SOCS2: variants seen among roughly 807,000 people sequenced by gnomAD.
SOCS2 encodes the protein suppressor of cytokine signaling 2, also known as CIS-2.
Under a neutral mutation model 18.6 loss-of-function variants are expected in SOCS2, and 10 were observed. The observed-to-expected ratio is 0.54, with a 90% confidence interval of 0.33 to 0.91. SOCS2 has a LOEUF of 0.91. SOCS2 is among the 40% of genes least tolerant of loss of function. The pLI is 0.02. For synonymous variants in SOCS2, 104 were observed against 104.0 expected (o/e 1.00, Z 0.00); for missense variants, 231 against 247.2 (o/e 0.93, Z 0.44).
the SOCS2 span, among the ~76,000 whole-genome samples, chr12:93,603,142 C>T: frequency 6.6e-6 from 1 of 152,150 alleles, no homozygotes; most frequent in Non-Finnish European, 1.5e-5. Context: ...TAGTTAATTG[C>T]TTGCAAAAAA....
the SOCS2 span, among the ~76,000 whole-genome samples, chr12:93,625,683 G>A: frequency 6.7e-6 from 1 of 149,820 alleles, no homozygotes; most frequent in Non-Finnish European, 1.5e-5. Context: ...GGGAGGCGGA[G>A]GTTGCAATGA....
the SOCS2 span, among the ~76,000 whole-genome samples, chr12:93,611,968 G>A: frequency 6.6e-6 from 1 of 151,756 alleles, no homozygotes; most frequent in East Asian, 1.9e-4. Context: ...TGTTTGATCA[G>A]CCCCCATCTA....
Position 93,575,539 on chromosome 12 carries a change from C to T in SOCS2, c.*360C>T, listed in dbSNP as rs554295769. The stretch of plus-strand genomic sequence containing the variant: ...AGGCTCCAGTAGGAGAGAAAGAACT[C>T]CTCATAGGAATACTGAAGAAGTGGG... On this transcript the variant is annotated 3_prime_UTR_variant, in exon 2 of 2. Coordinates refer to ENST00000551556, the MANE Select transcript of SOCS2 (RefSeq NM_001270471.2). 169 of 159,242 alleles carry T rather than the reference C, an allele frequency of 1.1e-3. 2 individuals are homozygous for T. The highest frequency in any genetic ancestry group is 3.2e-3 in the African/African-American group (132 of 41,632). 9.9% of individuals were successfully genotyped at this position (159,242 alleles called of 1,614,324 possible).
the SOCS2 span, among the ~76,000 whole-genome samples, chr12:93,612,189 T>C: frequency 6.6e-6 from 1 of 152,100 alleles, no homozygotes; most frequent in Non-Finnish European, 1.5e-5. Context: ...ACTAAAAAAA[T>C]TTCTCTGATC....
the SOCS2 span, among the ~76,000 whole-genome samples, chr12:93,614,427 TTCCC>T: frequency 3.8e-3 from 295 of 78,360 alleles, 16 homozygotes; most frequent in African/African-American, 0.011. Flanking sequence ...CTTCCTTTCT[TTCCC>T]TTCCTTCCTT....
At chr12:93,614,891 G>A in the SOCS2 span, among the ~76,000 whole-genome samples, 1 of 151,188 alleles carries the variant, frequency 6.6e-6, no homozygotes, top group Non-Finnish European at 1.5e-5. Context: ...TGGGATTACA[G>A]GCATGAGCCA....
chr12:93,622,840 G>A, the SOCS2 span, among the ~76,000 whole-genome samples: 12 of 152,138 alleles, frequency 7.9e-5, no homozygotes, highest in Non-Finnish European at 1.6e-4. Flanking sequence ...AGGGCAACTG[G>A]ATAATGGAAT....
the SOCS2 span, among the ~76,000 whole-genome samples, chr12:93,614,480 T>TTTCTTTCCTTCC: frequency 3.8e-5 from 1 of 26,152 alleles, no homozygotes; most frequent in South Asian, 1.6e-3. Flanking sequence ...CCTTCCTTCC[T>TTTCTTTCCTTCC]TTCCTTCCTT....
chr12:93,600,705 G>A, the SOCS2 span, among the ~76,000 whole-genome samples: 464 of 146,328 alleles, frequency 3.2e-3, 2 homozygotes, highest in African/African-American at 0.011. Context: ...CTGTTTATAA[G>A]TTACGTAAAG....
chr12:93,590,313 C>A, the SOCS2 span, among the ~76,000 whole-genome samples: 1 of 151,910 alleles, frequency 6.6e-6, no homozygotes, highest in Non-Finnish European at 1.5e-5. Context: ...TTTTAGCTAC[C>A]GACGCAAGAC....
chr12:93,614,488 C>CTTCCTTCCTTCT, the SOCS2 span, among the ~76,000 whole-genome samples: 358 of 28,626 alleles, frequency 0.013, 36 homozygotes, highest in Admixed American at 0.02. Flanking sequence ...CCTTTCCTTC[C>CTTCCTTCCTTCT]TTCCTTCCTT....
the SOCS2 span, among the ~76,000 whole-genome samples, chr12:93,592,340 C>T: frequency 4.6e-5 from 7 of 152,308 alleles, no homozygotes; most frequent in South Asian, 1.0e-3. Flanking sequence ...AACAGCTGCA[C>T]AATATTCCAT....
chr12:93,576,264 A>G lies in SOCS2; in HGVS notation c.*1085A>G, dbSNP rs1284383706. The G allele has an allele frequency of 6.5e-6, 1 of 152,688 alleles. No homozygotes were observed. Among genetic ancestry groups the G allele is most frequent in the East Asian group, 1.9e-4 (1 of 5,202 alleles). 9.5% of individuals were successfully genotyped at this position (152,688 alleles called of 1,614,324 possible). A position where few individuals can be genotyped will look rare whatever the true frequency, so the allele number is the denominator to read the frequency against. On this transcript the variant is annotated 3_prime_UTR_variant, in exon 2 of 2. Coordinates refer to ENST00000551556, the MANE Select transcript of SOCS2 (RefSeq NM_001270471.2). Reference sequence around the variant, plus strand: ...TTTCATGGTAATAGAGGATTGCCATAAAAACTTACGTCAAGTGAAATAAGC... The same window carrying G: ...TTTCATGGTAATAGAGGATTGCCATGAAAACTTACGTCAAGTGAAATAAGC...
In SOCS2 at chr12:93,574,849, A is replaced by G. The variant is rs1954408395; in HGVS notation, c.267A>G (p.Ser89=). Residue 89 remains serine, a synonymous_variant, in exon 2 of 2, where the codon TCA becomes TCG. Coordinates refer to ENST00000551556, the MANE Select transcript of SOCS2 (RefSeq NM_001270471.2). ...DYLLTISVKT[S]AGPTNLRIEY... ...TACTAACAATATCTGTTAAAACATC[A>G]GCTGGACCAACTAATCTTCGAATCG... is the stretch of plus-strand genomic sequence containing the variant. 1 of 1,614,212 alleles carries G rather than the reference A, an allele frequency of 6.2e-7. No individual in the cohort carries two copies. Among genetic ancestry groups the G allele is most frequent in the South Asian group, 1.1e-5 (1 of 91,086 alleles).
chr12:93,579,767 T>C (rs1221853614), downstream of SOCS2, among the ~76,000 whole-genome samples: 2 of 152,238 alleles, frequency 1.3e-5, no homozygotes, highest in Non-Finnish European at 2.9e-5. Flanking sequence ...CCCCAGTGTC[T>C]GAAGTCATGG....
At chr12:93,579,119 C>G (rs1954504211), downstream of SOCS2, among the ~76,000 whole-genome samples, 1 of 152,262 alleles carries the variant, frequency 6.6e-6, no homozygotes, top group African/African-American at 2.4e-5. Flanking sequence ...AGATGTGACA[C>G]ACACCCAGCC....
chr12:93,616,861 T>TCAGCTGGATGTTTCTTCTCG, the SOCS2 span, among the ~76,000 whole-genome samples: 6 of 152,202 alleles, frequency 3.9e-5, no homozygotes, highest in Non-Finnish European at 7.3e-5. Flanking sequence ...AGAAGCTGAT[T>TCAGCTGGATGTTTCTTCTCG]CAGCTGGATG....
In SOCS2 at chr12:93,575,232, A is replaced by C; in HGVS notation, c.*53A>C. 7.4e-7 allele frequency: 1 copy of C among 1,358,760 alleles called. No individual in the cohort carries two copies. The highest frequency in any genetic ancestry group is 9.9e-7 in the Non-Finnish European group (1 of 1,012,228). 84.2% of individuals were successfully genotyped at this position (1,358,760 alleles called of 1,614,324 possible). A position where few individuals can be genotyped will look rare whatever the true frequency, so the allele number is the denominator to read the frequency against. On this transcript the variant is annotated 3_prime_UTR_variant, in exon 2 of 2. Coordinates refer to ENST00000551556, the MANE Select transcript of SOCS2 (RefSeq NM_001270471.2). ...ACATAGAGTATCTCCGAATGCAGCT[A>C]TGTAAAAGAGAACCAAAACTTGAGT...
the SOCS2 span, among the ~76,000 whole-genome samples, chr12:93,622,097 T>C: frequency 3.3e-5 from 5 of 152,220 alleles, no homozygotes; most frequent in Admixed American, 6.5e-5. Context: ...CAATTTTCTT[T>C]AGTTTGAGCC....
Sources: gnomAD v4.1 joint callset for allele counts (sites outside exome capture counted in the v4.1 genomes callset) on GRCh38, gnomAD v4.1.1 for gene constraint, MANE v1.5 for transcripts, NCBI Gene and HGNC (gene_info 2026-07-23, HGNC 2026-07-21) for gene names.